ANKRD26: variants seen among roughly 807,000 people sequenced by gnomAD.
The protein encoded by ANKRD26 is ankyrin repeat domain 26, also known as ankyrin repeat domain-containing protein 26.
A neutral mutation model predicts 208.7 loss-of-function variants in ANKRD26; 141 were observed. That is an observed-to-expected ratio of 0.68 (90% confidence interval 0.59 to 0.78). The LOEUF (loss-of-function observed/expected upper bound fraction) is 0.78. Among genes scored for constraint, ANKRD26 ranks in the 30% least tolerant of loss-of-function variants. The pLI is 0.00. For synonymous variants in ANKRD26, 636 were observed against 660.4 expected (o/e 0.96, Z 0.57); for missense variants, 1,889 against 1,938.7 (o/e 0.97, Z 0.48).
At chr10:27,054,981 G>A (rs1423768101) in intron 15 of ANKRD26, among the ~76,000 whole-genome samples, 3 of 152,054 alleles carry the variant, frequency 2.0e-5, no homozygotes, top group Non-Finnish European at 2.9e-5. Flanking sequence ...TGAATTTCAG[G>A]GGCATATGAA....
At chr10:27,029,089 T>A in intron 26 of ANKRD26, 144 bp from the exon 27 acceptor site, 1 of 1,001,216 alleles carries the variant, frequency 1.0e-6, no homozygotes, top group Non-Finnish European at 1.5e-6. Context: ...ATCGTTTTTC[T>A]AGTTGTGGTT....
chr10:27,089,774 G>C (rs894187905), intron 4 of ANKRD26, among the ~76,000 whole-genome samples: 3 of 152,204 alleles, frequency 2.0e-5, no homozygotes, highest in Admixed American at 6.5e-5. Flanking sequence ...CCAGGTGACA[G>C]AGTGAGACCC....
Position 27,035,348 on chromosome 10 carries a change from G to C in ANKRD26, c.3102C>G (p.Phe1034Leu). ...ETSKRELELA[F>L]QRARDECSRL... ...GAGAACATTCATCTCTTGCTCTCTGGAAAGCAAGTTCTAGTTCTCTTTTTG... is the reference window on the plus strand; with the variant it reads ...GAGAACATTCATCTCTTGCTCTCTGCAAAGCAAGTTCTAGTTCTCTTTTTG... The change falls in exon 24 of 34, where the codon TTC becomes TTG. Residue 1034 changes from phenylalanine (F) to leucine (L), a missense_variant. Phe to Leu is a conservative substitution (Grantham distance 22). Coordinates refer to ENST00000376087, the MANE Select transcript of ANKRD26 (RefSeq NM_014915.3). 6.2e-7 allele frequency: 1 copy of C among 1,613,888 alleles called. No homozygotes were observed.
In ANKRD26 at chr10:27,035,331, T is replaced by A; in HGVS notation, c.3119A>T (p.Glu1040Val). ...CATTTTGTCCTGTAAACGAGAACAT[T>A]CATCTCTTGCTCTCTGGAAAGCAAG... ...LELAFQRARD[E>V]CSRLQDKMNF... The change falls in exon 24 of 34, where the codon GAA (glutamate) becomes GTA (valine). Residue 1040 changes from glutamate to valine, a missense_variant. Glu to Val is a moderately radical substitution (Grantham distance 121). Transcript: ENST00000376087. 1 of 1,613,974 alleles carries A rather than the reference T, an allele frequency of 6.2e-7. No individual in the cohort carries two copies. The highest frequency in any genetic ancestry group is 8.5e-7 in the Non-Finnish European group (1 of 1,179,926).
intron 15 of ANKRD26, among the ~76,000 whole-genome samples, chr10:27,058,223 T>C (rs528419888): frequency 6.6e-4 from 100 of 152,278 alleles, no homozygotes; most frequent in Non-Finnish European, 1.3e-3. Flanking sequence ...CTACAAACCA[T>C]ACATATGGTT....
At chr10:27,021,152 T>C (rs1275061812) in intron 29 of ANKRD26, among the ~76,000 whole-genome samples, 1 of 152,204 alleles carries the variant, frequency 6.6e-6, no homozygotes, top group African/African-American at 2.4e-5. Context: ...GTTTTCACCT[T>C]TATGTATCTG....
rs763125135 is a variant in ANKRD26, at chr10:27,029,302, G to C, written c.3862C>G (p.Gln1288Glu). Residue 1288 changes from glutamine to glutamate, a missense_variant, in exon 26 of 34, where the codon CAA (glutamine) becomes GAA (glutamate). Physicochemically the swap from Gln to Glu is conservative, Grantham distance 29. This residue lies in a region of ANKRD26 where 613 missense variants were observed against 648.2 expected (regional missense o/e 0.95). Coordinates refer to ENST00000376087, the MANE Select transcript of ANKRD26 (RefSeq NM_014915.3). Reference protein sequence around the residue: ...TEAVRCAEKMQDHKQKLEKDN... With the variant: ...TEAVRCAEKMEDHKQKLEKDN... ...AAATTTTACTTTTGCTTGTGATCTT[G>C]CATCTTCTCAGCACATCTGACAGCT... 1.2e-6 allele frequency: 2 copies of C among 1,611,946 alleles called. No individual in the cohort carries two copies. Among genetic ancestry groups the C allele is most frequent in the Non-Finnish European group, 1.7e-6 (2 of 1,178,994 alleles).
chr10:27,039,378 T>G (rs1396358299), intron 21 of ANKRD26, among the ~76,000 whole-genome samples: 5 of 150,342 alleles, frequency 3.3e-5, no homozygotes, highest in African/African-American at 1.2e-4. Context: ...TGCTTAAACC[T>G]GGGAGGCGGA....
chr10:27,090,810 T>C (rs1240860529), intron 4 of ANKRD26, among the ~76,000 whole-genome samples: 1 of 152,126 alleles, frequency 6.6e-6, no homozygotes, highest in African/African-American at 2.4e-5. Flanking sequence ...TTAATAATAA[T>C]GGTAGCCAGG....
chr10:27,079,928 C>T lies in ANKRD26; in HGVS notation c.741-767G>A, dbSNP rs552355804. On this transcript the variant is annotated intron_variant, in intron 6 of 33. Transcript: ENST00000376087. ...ATCTCAGCACTTTGGGAGGCCGAGGCGGGCAGATCACGAGGTCAGGAGTTC... is the reference window on the plus strand; with the variant it reads ...ATCTCAGCACTTTGGGAGGCCGAGGTGGGCAGATCACGAGGTCAGGAGTTC... The T allele has an allele frequency of 6.9e-5, 12 of 175,110 alleles. No individual in the cohort carries two copies. In the South Asian group the frequency reaches 7.1e-4, roughly 10 times the overall value. The allele number at this position is 175,110 out of a possible 1,614,324, so 10.8% of individuals were successfully genotyped here.
At chr10:27,017,435 T>C (rs2053334136) in intron 30 of ANKRD26, 67 bp downstream of exon 30, 3 of 1,538,556 alleles carry the variant, frequency 1.9e-6, no homozygotes, top group Admixed American at 3.3e-5. Flanking sequence ...AGGAAACACA[T>C]ATAATGTATA....
intron 27 of ANKRD26, among the ~76,000 whole-genome samples, chr10:27,025,165 T>TTTTGTTTG (rs57478852): frequency 4.7e-4 from 71 of 150,478 alleles, no homozygotes; most frequent in African/African-American, 1.0e-3. Context: ...GGACTCTCTT[T>TTTTGTTTG]TTTGTTTGTT....
intron 11 of ANKRD26, among the ~76,000 whole-genome samples, chr10:27,065,311 C>T (rs535879145): frequency 6.6e-4 from 100 of 152,248 alleles, no homozygotes; most frequent in African/African-American, 2.3e-3. Context: ...CTTGTATATG[C>T]GGTGTCTAAC....
In ANKRD26 at chr10:27,017,703, TAAC is replaced by T. The variant is rs770500797; in HGVS notation, c.4302_4304del (p.Leu1435del). On this transcript the variant is annotated inframe_deletion, in exon 30 of 34. Coordinates refer to ENST00000376087, the MANE Select transcript of ANKRD26 (RefSeq NM_014915.3). ...ATTTCTTTTGTACTGTTTTCATAGA[TAAC>T]AACTCCTCTTGAAGAATTTGGTTCT... The T allele has an allele frequency of 1.2e-6, 2 of 1,613,124 alleles. No homozygotes were observed. Among genetic ancestry groups the T allele is most frequent in the South Asian group, 1.1e-5 (1 of 90,892 alleles).
intron 9 of ANKRD26, among the ~76,000 whole-genome samples, chr10:27,076,324 G>A (rs534975525): frequency 1.3e-5 from 2 of 150,970 alleles, no homozygotes; most frequent in East Asian, 1.9e-4. Context: ...GTGCAATGGC[G>A]TGATCTTGGC....
At chr10:27,021,634 G>A (rs1287308815) in intron 29 of ANKRD26, among the ~76,000 whole-genome samples, 1 of 152,100 alleles carries the variant, frequency 6.6e-6, no homozygotes, top group Non-Finnish European at 1.5e-5. Context: ...TTTTGAATTA[G>A]AATATTCTTT....
chr10:27,091,760 G>A (rs1427878041), intron 4 of ANKRD26, among the ~76,000 whole-genome samples: 2 of 152,138 alleles, frequency 1.3e-5, no homozygotes, highest in Admixed American at 6.6e-5. Context: ...AGGCCAAGGC[G>A]GGTGGATCAC....
At chr10:27,020,009 G>A (rs917240972) in intron 29 of ANKRD26, among the ~76,000 whole-genome samples, 3 of 152,176 alleles carry the variant, frequency 2.0e-5, no homozygotes, top group Non-Finnish European at 4.4e-5. Flanking sequence ...TCACAAGATC[G>A]GGGCTGGGTT....
intron 18 of ANKRD26, among the ~76,000 whole-genome samples, chr10:27,045,680 T>C (rs2054416664): frequency 6.6e-6 from 1 of 152,304 alleles, no homozygotes; most frequent in Admixed American, 6.5e-5. Flanking sequence ...CTGTCAAAAG[T>C]ACTCTGATAT....
Sources: gnomAD v4.1 joint callset for allele counts (sites outside exome capture counted in the v4.1 genomes callset) on GRCh38, gnomAD v4.1.1 for gene constraint, gnomAD v4.1.1 regional missense constraint, MANE v1.5 for transcripts, NCBI Gene and HGNC (gene_info 2026-07-23, HGNC 2026-07-21) for gene names.